Variants in MAS1L observed in about 807,000 individuals in gnomAD.
The protein encoded by MAS1L is mas-related G protein-coupled receptor MRG.
For missense variants in MAS1L, 441 were observed against 460.1 expected (o/e 0.96, Z 0.38); for synonymous variants, 160 against 182.9 (o/e 0.87, Z 1.01).
chr6:29,487,043 G>A lies in MAS1L; in HGVS notation c.860C>T (p.Thr287Ile), dbSNP rs759510794. ...ALPLSVAPLI[T>I]DFKMFVTTSY... is the part of the protein sequence containing the mutation. ...GGTGGTGACAAACATTTTGAAATCT[G>A]TTATGAGGGGTGCCACGCTCAGGGG... Residue 287 changes from threonine to isoleucine, a missense_variant, in exon 1 of 1, where the codon ACA (threonine) becomes ATA (isoleucine). Transcript: ENST00000377127. The A allele has an allele frequency of 7.4e-6, 12 of 1,614,080 alleles. No individual in the cohort carries two copies. Among genetic ancestry groups the A allele is most frequent in the Non-Finnish European group, 9.3e-6 (11 of 1,180,026 alleles).
chr6:29,487,342 T>G lies in MAS1L; in HGVS notation c.561A>C (p.Lys187Asn). 6.2e-7 allele frequency: 1 copy of G among 1,613,934 alleles called. No individual in the cohort carries two copies. The highest frequency in any genetic ancestry group is 8.5e-7 in the Non-Finnish European group (1 of 1,180,010). ...FPIWYRCHRP[K>N]YTSNVVCTLI... The stretch of plus-strand genomic sequence containing the variant: ...GGGTGCAGACAACATTAGATGTGTA[T>G]TTTGGGCGGTGGCATCTGTACCAGA... The change falls in exon 1 of 1, where the codon AAA becomes AAC. Residue 187 changes from lysine (K) to asparagine (N), a missense_variant. Physicochemically the swap from Lys to Asn is moderately conservative, Grantham distance 94. Transcript: ENST00000377127.
the MAS1L span, chr6:29,487,378 G>GAC: frequency 1.2e-6 from 2 of 1,613,790 alleles, no homozygotes; most frequent in Admixed American, 1.7e-5. Context: ...TGGGGAAGAG[G>GAC]ACACACACAC....
Position 29,487,057 on chromosome 6 carries a change from C to T in MAS1L, c.846G>A (p.Val282=). ...TTTTGAAATCTGTTATGAGGGGTGC[C>T]ACGCTCAGGGGTAGGGCCCAGAGTA... is the stretch of plus-strand genomic sequence containing the variant. The part of the protein sequence containing the change: ...MFLLWALPLS[V]APLITDFKMF... Residue 282 remains valine (V), a synonymous_variant, in exon 1 of 1, where the codon GTG becomes GTA. Coordinates refer to ENST00000377127, the MANE Select transcript of MAS1L (RefSeq NM_052967.2). 6.2e-7 allele frequency: 1 copy of T among 1,613,916 alleles called. No homozygotes were observed. The highest frequency in any genetic ancestry group is 8.5e-7 in the Non-Finnish European group (1 of 1,179,996).
chr6:29,486,792 C>T lies in MAS1L; in HGVS notation c.1111G>A (p.Glu371Lys). The T allele has an allele frequency of 6.2e-7, 1 of 1,613,546 alleles. No homozygotes were observed. The highest frequency in any genetic ancestry group is 8.5e-7 in the Non-Finnish European group (1 of 1,179,826). Residue 371 changes from glutamate to lysine, a missense_variant, in exon 1 of 1, where the codon GAG becomes AAG. By Grantham distance (56) the Glu-to-Lys change is moderately conservative (BLOSUM62 1). Transcript: ENST00000377127. ...TATGTTTCCACATCGACCCTGTGCT[C>T]CCTGGGAAGAAGGTTCTCCACATGC... ...TQHVENLLPR[E>K]HRVDVET
At position 29,486,766 on chromosome 6, in the gene MAS1L, T is replaced by C. The variant is rs1789280815; in HGVS notation, c.1137A>G (p.Ter379=). The C allele has an allele frequency of 6.2e-7, 1 of 1,608,602 alleles. No homozygotes were observed. Among genetic ancestry groups the C allele is most frequent in the Non-Finnish European group, 8.5e-7 (1 of 1,177,618 alleles). The change falls in exon 1 of 1, where the codon TAA becomes TAG. Residue 379 remains the stop codon, a stop_retained_variant. Transcript: ENST00000377127. ...AATTCCCCAGCTCAGATGTGGGAAA[T>C]TATGTTTCCACATCGACCCTGTGCT... ...PREHRVDVET[*]
chr6:29,486,944 AG>A, the MAS1L span: 1 of 1,614,074 alleles, frequency 6.2e-7, no homozygotes, highest in Non-Finnish European at 8.5e-7. Flanking sequence ...TTTCTTTCTG[AG>A]GCTCCCCACA....
At position 29,487,438 on chromosome 6, in the gene MAS1L, G is replaced by A. The variant is rs1337475928; in HGVS notation, c.465C>T (p.Phe155=). Residue 155 remains phenylalanine, a synonymous_variant, in exon 1 of 1, where the codon TTC becomes TTT. Coordinates refer to ENST00000377127, the MANE Select transcript of MAS1L (RefSeq NM_052967.2). ...GGAGACAGAGACACACCTCAAAGGA[G>A]AAGGGAGACAATATGGCCAGGAAAT... ...IPDFLAILSP[F]SFEVCLCLLV... The A allele has an allele frequency of 6.2e-7, 1 of 1,613,482 alleles. No homozygotes were observed. The highest frequency in any genetic ancestry group is 2.2e-5 in the East Asian group (1 of 44,812).
rs746879948 is a variant in MAS1L, at chr6:29,486,761, G to A, written c.*5C>T. The A allele has an allele frequency of 3.7e-6, 6 of 1,607,078 alleles. No homozygotes were observed. Among genetic ancestry groups the A allele is most frequent in the South Asian group, 3.4e-5 (3 of 89,436 alleles). On this transcript the variant is annotated 3_prime_UTR_variant, in exon 1 of 1. Coordinates refer to ENST00000377127, the MANE Select transcript of MAS1L (RefSeq NM_052967.2). ...TGTACAATTCCCCAGCTCAGATGTG[G>A]GAAATTATGTTTCCACATCGACCCT...
rs1201817508 is a variant in MAS1L, at chr6:29,486,711, A to G, written c.*55T>C. On this transcript the variant is annotated 3_prime_UTR_variant, in exon 1 of 1. Coordinates refer to ENST00000377127, the MANE Select transcript of MAS1L (RefSeq NM_052967.2). ...ATTGATTTGATGCAGCAGCCTTATG[A>G]TGCAGAACAGGCTGGGTTACTATGT... is the stretch of plus-strand genomic sequence containing the variant. 1.3e-6 allele frequency: 2 copies of G among 1,514,212 alleles called. No individual in the cohort carries two copies. Among genetic ancestry groups the G allele is most frequent in the Middle Eastern group, 2.0e-4 (1 of 4,940 alleles). The allele number at this position is 1,514,212 out of a possible 1,614,324, so 93.8% of individuals were successfully genotyped here.
rs183530034 is a variant in MAS1L, at chr6:29,487,391, C to T, written c.512G>A (p.Arg171Gln). 6.2e-6 allele frequency: 10 copies of T among 1,613,936 alleles called. No homozygotes were observed. The highest frequency in any genetic ancestry group is 2.7e-5 in the African/African-American group (2 of 75,022). The change falls in exon 1 of 1, where the codon CGG (arginine) becomes CAG (glutamine). Residue 171 changes from arginine (R) to glutamine (Q), a missense_variant. Physicochemically the swap from Arg to Gln is conservative, Grantham distance 43 (BLOSUM62 1). Coordinates refer to ENST00000377127, the MANE Select transcript of MAS1L (RefSeq NM_052967.2). Reference sequence around the variant, plus strand: ...GATGGGGAAGAGGACACACACACACCGCTCTGTGCTGATGGCCACCAGGAG... The same window carrying T: ...GATGGGGAAGAGGACACACACACACTGCTCTGTGCTGATGGCCACCAGGAG... ...LCLLVAISTE[R>Q]CVCVLFPIWY...
rs1789346392 is a variant in MAS1L at position 29,487,201 on chromosome 6, G to A, written c.702C>T (p.Ile234=). 2 of 1,613,970 alleles carry A rather than the reference G, an allele frequency of 1.2e-6. No homozygotes were observed. The highest frequency in any genetic ancestry group is 2.7e-5 in the African/African-American group (2 of 74,926). ...FLKLSGLFHA[I]LSLVMCVSSL... The stretch of plus-strand genomic sequence containing the variant: ...TCGACACACACATCACAAGTGAAAG[G>A]ATAGCATGGAAGAGCCCAGAAAGCT... Residue 234 remains isoleucine (I), a synonymous_variant, in exon 1 of 1, where the codon ATC becomes ATT. Coordinates refer to ENST00000377127, the MANE Select transcript of MAS1L (RefSeq NM_052967.2).
Position 29,487,568 on chromosome 6 carries a change from A to C in MAS1L, c.335T>G (p.Ile112Ser). ...CGATNPYMVYILHLVAADVIY... is the reference protein window; with the variant it reads ...CGATNPYMVYSLHLVAADVIY... The stretch of plus-strand genomic sequence containing the variant: ...CACGTCAGCAGCGACCAGGTGGAGG[A>C]TGTATACCATGTAGGGATTCGTGGC... Residue 112 changes from isoleucine to serine, a missense_variant, in exon 1 of 1, where the codon ATC (isoleucine) becomes AGC (serine). Ile to Ser is a moderately radical substitution (Grantham distance 142, BLOSUM62 -2). Coordinates refer to ENST00000377127, the MANE Select transcript of MAS1L (RefSeq NM_052967.2). The C allele has an allele frequency of 6.2e-7, 1 of 1,614,176 alleles. No individual in the cohort carries two copies.
At chr6:29,487,303 C>CAT in the MAS1L span, 1 of 1,614,128 alleles carries the variant, frequency 6.2e-7, no homozygotes, top group Non-Finnish European at 8.5e-7. Context: ...TGCAAAAAGG[C>CAT]AGGCCCCAGA....
rs777334820 is a variant in MAS1L at position 29,487,040 on chromosome 6, T to C, written c.863A>G (p.Asp288Gly). The C allele has an allele frequency of 6.2e-7, 1 of 1,613,914 alleles. No homozygotes were observed. The highest frequency in any genetic ancestry group is 8.5e-7 in the Non-Finnish European group (1 of 1,179,990). ...LPLSVAPLIT[D>G]FKMFVTTSYL... ...GGAGGTGGTGACAAACATTTTGAAA[T>C]CTGTTATGAGGGGTGCCACGCTCAG... The change falls in exon 1 of 1, where the codon GAT (aspartate) becomes GGT (glycine). Residue 288 changes from aspartate (D) to glycine (G), a missense_variant. Coordinates refer to ENST00000377127, the MANE Select transcript of MAS1L (RefSeq NM_052967.2).
Position 29,487,540 on chromosome 6 carries a change from G to C in MAS1L, c.363C>G (p.Ile121Met), listed in dbSNP as rs1789388358. The change falls in exon 1 of 1, where the codon ATC becomes ATG. Residue 121 changes from isoleucine to methionine, a missense_variant. Physicochemically the swap from Ile to Met is conservative, Grantham distance 10 (BLOSUM62 1). Coordinates refer to ENST00000377127, the MANE Select transcript of MAS1L (RefSeq NM_052967.2). ...ACCCCACTGCCGAGCAGCAAAGATA[G>C]ATCACGTCAGCAGCGACCAGGTGGA... ...YILHLVAADVIYLCCSAVGFL... is the reference protein window; with the variant it reads ...YILHLVAADVMYLCCSAVGFL... 2 of 1,614,182 alleles carry C rather than the reference G, an allele frequency of 1.2e-6. No homozygotes were observed. The highest frequency in any genetic ancestry group is 8.5e-7 in the Non-Finnish European group (1 of 1,180,046).
Position 29,487,646 on chromosome 6 carries a change from G to A in MAS1L, c.257C>T (p.Ser86Phe), listed in dbSNP as rs201951610. 20 of 1,614,214 alleles carry A rather than the reference G, an allele frequency of 1.2e-5. No homozygotes were observed. In the African/African-American group the frequency reaches 2.7e-4, roughly 22 times the overall value. Residue 86 changes from serine (S) to phenylalanine (F), a missense_variant, in exon 1 of 1, where the codon TCC becomes TTC. Ser to Phe is a radical substitution (Grantham distance 155). Transcript: ENST00000377127. Reference sequence around the variant, plus strand: ...GCCATTCAATAAGACCCCACAGAGGGAGACCAGCACAGCCTTGGGGGCAAT... The same window carrying A: ...GCCATTCAATAAGACCCCACAGAGGAAGACCAGCACAGCCTTGGGGGCAAT... Reference protein sequence around the residue: ...NIIAPKAVLVSLCGVLLNGTV... With the variant: ...NIIAPKAVLVFLCGVLLNGTV...
Position 29,487,251 on chromosome 6 carries a change from C to T in MAS1L, c.652G>A (p.Val218Ile). The change falls in exon 1 of 1, where the codon GTA (valine) becomes ATA (isoleucine). Residue 218 changes from valine (V) to isoleucine (I), a missense_variant. Val to Ile is a conservative substitution (Grantham distance 29). Coordinates refer to ENST00000377127, the MANE Select transcript of MAS1L (RefSeq NM_052967.2). The stretch of plus-strand genomic sequence containing the variant: ...TTTAGAAATATGACACATGCCTTTA[C>T]ATGTTTCCAGTAAGTTAGGAAAAGT... ...KSLFLTYWKHVKACVIFLKLS... is the reference protein window; with the variant it reads ...KSLFLTYWKHIKACVIFLKLS... 2.5e-6 allele frequency: 4 copies of T among 1,614,144 alleles called. No homozygotes were observed. Among genetic ancestry groups the T allele is most frequent in the Non-Finnish European group, 3.4e-6 (4 of 1,180,026 alleles).
chr6:29,487,844 T>C lies in MAS1L; in HGVS notation c.59A>G (p.Glu20Gly), dbSNP rs1789424117. ...SQRAGWTVFA[E>G]SQISLSCSLC... is the part of the protein sequence containing the mutation. ...GCTACATGAGAGAGATATCTGTGACTCAGCAAACACTGTCCATCCAGCCCT... is the reference window on the plus strand; with the variant it reads ...GCTACATGAGAGAGATATCTGTGACCCAGCAAACACTGTCCATCCAGCCCT... The change falls in exon 1 of 1, where the codon GAG (glutamate) becomes GGG (glycine). Residue 20 changes from glutamate to glycine, a missense_variant. Glu to Gly is a moderately conservative substitution (Grantham distance 98, BLOSUM62 -2). Transcript: ENST00000377127. The C allele has an allele frequency of 1.2e-6, 2 of 1,613,864 alleles. No individual in the cohort carries two copies. The highest frequency in any genetic ancestry group is 4.5e-5 in the East Asian group (2 of 44,872).
rs762238041 is a variant in MAS1L at position 29,486,808 on chromosome 6, C to G, written c.1095G>C (p.Glu365Asp). Reference sequence around the variant, plus strand: ...CCCTGTGCTCCCTGGGAAGAAGGTTCTCCACATGCTGAGTAGAGTGTGGTT... The same window carrying G: ...CCCTGTGCTCCCTGGGAAGAAGGTTGTCCACATGCTGAGTAGAGTGTGGTT... The part of the protein sequence containing the change: ...MEQPHSTQHV[E>D]NLLPREHRVD... Residue 365 changes from glutamate to aspartate, a missense_variant, in exon 1 of 1, where the codon GAG (glutamate) becomes GAC (aspartate). By Grantham distance (45) the Glu-to-Asp change is conservative. Coordinates refer to ENST00000377127, the MANE Select transcript of MAS1L (RefSeq NM_052967.2). The G allele has an allele frequency of 3.1e-6, 5 of 1,613,914 alleles. No individual in the cohort carries two copies. The East Asian group carries it at 6.7e-5, about 22-fold the overall frequency.
Sources: allele counts gnomAD v4.1 joint callset, GRCh38; gene constraint gnomAD v4.1.1; transcripts MANE v1.5; gene names NCBI Gene and HGNC (gene_info 2026-07-23, HGNC 2026-07-21).